CHADL: variants seen among roughly 807,000 people sequenced by gnomAD.
CHADL encodes the protein chondroadherin-like protein.
A neutral mutation model predicts 52.1 loss-of-function variants in CHADL; 48 were observed. That is an observed-to-expected ratio of 0.92 (90% CI 0.73 to 1.17). The LOEUF is 1.17. CHADL is among the 50% of genes most tolerant of loss of function. CHADL has a pLI of 0.00. For synonymous variants in CHADL, 498 were observed against 511.2 expected, an observed-to-expected ratio of 0.97 and a Z score of 0.35; for missense variants, 977 against 1,035.1, an observed-to-expected ratio of 0.94 and a Z score of 0.77.
chr22:41,237,633 A>C lies in CHADL; in HGVS notation c.1439T>G (p.Leu480Arg). 6.5e-7 allele frequency: 1 copy of C among 1,549,784 alleles called. No homozygotes were observed. The highest frequency in any genetic ancestry group is 1.2e-5 in the South Asian group (1 of 84,038). ...AGLGRLIYLYLSDNQLAGLSA... is the reference protein window; with the variant it reads ...AGLGRLIYLYRSDNQLAGLSA... Reference sequence around the variant, plus strand: ...GAGGCCTGCGAGCTGGTTGTCGGAGAGGTACAGGTAGATCAGGCGGCCCAG... The same window carrying C: ...GAGGCCTGCGAGCTGGTTGTCGGAGCGGTACAGGTAGATCAGGCGGCCCAG... The change falls in exon 3 of 6, where the codon CTC becomes CGC. Residue 480 changes from leucine to arginine, a missense_variant. Leu to Arg is a moderately radical substitution (Grantham distance 102). Coordinates refer to ENST00000216241, the MANE Select transcript of CHADL (RefSeq NM_138481.2).
Position 41,238,392 on chromosome 22 carries a change from G to T in CHADL, c.680C>A (p.Ser227Tyr). ...CAGACGGGCCAGGCCGCGGGCCTGGGACAAGACAGGCCCGGGCAGAGCCTG... is the reference window on the plus strand; with the variant it reads ...CAGACGGGCCAGGCCGCGGGCCTGGTACAAGACAGGCCCGGGCAGAGCCTG... Reference protein sequence around the residue: ...ELQALPGPVLSQARGLARLEL... With the variant: ...ELQALPGPVLYQARGLARLEL... Residue 227 changes from serine (S) to tyrosine (Y), a missense_variant, in exon 3 of 6, where the codon TCC becomes TAC. Ser to Tyr is a moderately radical substitution (Grantham distance 144, BLOSUM62 -2). Coordinates refer to ENST00000216241, the MANE Select transcript of CHADL (RefSeq NM_138481.2). This position sits in a 1 kb window ranked among gnomAD's most constrained non-coding sequence, Gnocchi z 4.9. 6.6e-7 allele frequency: 1 copy of T among 1,505,666 alleles called. No individual in the cohort carries two copies. The highest frequency in any genetic ancestry group is 8.8e-7 in the Non-Finnish European group (1 of 1,131,744). 93.3% of individuals were successfully genotyped at this position (1,505,666 alleles called of 1,614,324 possible).
chr22:41,239,578 A>G lies in CHADL; in HGVS notation c.51T>C (p.Leu17=). ...TAGCCGGGGCCAGCAGCAGAAGTAC[A>G]AGAAGCGGCAGCACCAAGGGGACAT... ...STHVPLVLPL[L]VLLLLAPARQ... Residue 17 remains leucine, a synonymous_variant, in exon 2 of 6, where the codon CTT becomes CTC. Coordinates refer to ENST00000216241, the MANE Select transcript of CHADL (RefSeq NM_138481.2). The G allele has an allele frequency of 6.5e-7, 1 of 1,547,184 alleles. No homozygotes were observed.
At chr22:41,236,358 C>T (rs2032739209) in intron 4 of CHADL, 126 bp downstream of exon 4, 3 of 820,006 alleles carry the variant, frequency 3.7e-6, no homozygotes, top group Non-Finnish European at 3.8e-6. Flanking sequence ...CTGGCTCTCA[C>T]AGGACCCGCC....
intron 5 of CHADL, among the ~76,000 whole-genome samples, chr22:41,231,650 C>G (rs139486): frequency 0.37 from 56,015 of 152,124 alleles, 10,484 homozygotes; most frequent in Middle Eastern, 0.45. Flanking sequence ...AGTTTTTGCT[C>G]AATCCATGCA....
At chr22:41,230,477 G>T (rs1289090573) in intron 5 of CHADL, 1 of 512,144 alleles carries the variant, frequency 2.0e-6, no homozygotes, top group East Asian at 3.4e-5. Flanking sequence ...GCCGCCTGAG[G>T]CCCCAGAACT....
chr22:41,234,180 C>T (rs2032690658), intron 5 of CHADL, among the ~76,000 whole-genome samples: 1 of 152,034 alleles, frequency 6.6e-6, no homozygotes, highest in Non-Finnish European at 1.5e-5. Context: ...ATGGTTGAGT[C>T]AACAGTGATC....
intron 5 of CHADL, among the ~76,000 whole-genome samples, chr22:41,233,352 C>T (rs1388842304): frequency 6.6e-6 from 1 of 151,920 alleles, no homozygotes; most frequent in Non-Finnish European, 1.5e-5. Context: ...ATCTCAGCTA[C>T]TTGGGAGGCT....
intron 5 of CHADL, among the ~76,000 whole-genome samples, chr22:41,231,574 A>G (rs1177819365): frequency 6.6e-6 from 1 of 152,240 alleles, no homozygotes; most frequent in Non-Finnish European, 1.5e-5. Context: ...TGTGCGCATG[A>G]CCACGTGTTG....
rs2032809782 is a variant in CHADL at position 41,238,959 on chromosome 22, G to C, written c.187-74C>G. ...CTTTGCAAGTGCTGCTTCTTCCCCG[G>C]AACACTCTTTTCTCCTGTCACCTTT... On this transcript the variant is annotated intron_variant, in intron 2 of 5. Coordinates refer to ENST00000216241, the MANE Select transcript of CHADL (RefSeq NM_138481.2). The surrounding 1 kb of genome is among the most constrained non-coding windows in gnomAD (Gnocchi z 4.9). 3 of 1,451,860 alleles carry C rather than the reference G, an allele frequency of 2.1e-6. No individual in the cohort carries two copies. Among genetic ancestry groups the C allele is most frequent in the Middle Eastern group, 1.8e-4 (1 of 5,582 alleles). The allele number at this position is 1,451,860 out of a possible 1,614,324, so 89.9% of individuals were successfully genotyped here. A position where few individuals can be genotyped will look rare whatever the true frequency, so the allele number is the denominator to read the frequency against.
In CHADL at chr22:41,237,563, G is replaced by A; in HGVS notation, c.1509C>T (p.Tyr503=). 2 of 1,550,514 alleles carry A rather than the reference G, an allele frequency of 1.3e-6. No individual in the cohort carries two copies. Among genetic ancestry groups the A allele is most frequent in the Non-Finnish European group, 1.7e-6 (2 of 1,146,924 alleles). ...LEGAPRLGYL[Y]LERNRFLQVP... ...CCTGCAGGAAACGGTTGCGTTCTAG[G>A]TACAGGTAGCCGAGGCGGGGAGCCC... Residue 503 remains tyrosine, a synonymous_variant, in exon 3 of 6, where the codon TAC becomes TAT. Coordinates refer to ENST00000216241, the MANE Select transcript of CHADL (RefSeq NM_138481.2).
intron 1 of CHADL, 123 bp downstream of exon 1, chr22:41,240,751 C>G: frequency 8.4e-7 from 1 of 1,195,650 alleles, no homozygotes; most frequent in Non-Finnish European, 1.2e-6. Flanking sequence ...TCCTGGAGAA[C>G]CCCAGGAAGT....
intron 5 of CHADL, among the ~76,000 whole-genome samples, chr22:41,232,168 TA>T (rs545599803): frequency 6.6e-6 from 1 of 151,502 alleles, no homozygotes; most frequent in East Asian, 2.0e-4. Context: ...CTGTCTCTAC[TA>T]AAAATACAAA....
rs1441229636 is a variant in CHADL at position 41,238,213 on chromosome 22, C to G, written c.859G>C (p.Gly287Arg). The G allele has an allele frequency of 4.6e-6, 7 of 1,524,694 alleles. No individual in the cohort carries two copies. Among genetic ancestry groups the G allele is most frequent in the Non-Finnish European group, 6.1e-6 (7 of 1,143,182 alleles). The allele number at this position is 1,524,694 out of a possible 1,614,324, so 94.4% of individuals were successfully genotyped here. A position where few individuals can be genotyped will look rare whatever the true frequency, so the allele number is the denominator to read the frequency against. ...GGGGGCAGGGTGTCTAGCTGGTTCC[C>G]GCGGAGGTCGAGGGTGTGCAGGCGC... ...CPRLHTLDLR[G>R]NQLDTLPPLQ... Residue 287 changes from glycine to arginine, a missense_variant, in exon 3 of 6, where the codon GGG becomes CGG. By Grantham distance (125) the Gly-to-Arg change is moderately radical. Coordinates refer to ENST00000216241, the MANE Select transcript of CHADL (RefSeq NM_138481.2). The surrounding 1 kb of genome is among the most constrained non-coding windows in gnomAD (Gnocchi z 4.9).
chr22:41,238,873 G>A lies in CHADL; in HGVS notation c.199C>T (p.Leu67=), dbSNP rs1470882322. The A allele has an allele frequency of 1.3e-6, 2 of 1,537,100 alleles. No individual in the cohort carries two copies. The highest frequency in any genetic ancestry group is 1.8e-6 in the Non-Finnish European group (2 of 1,136,842). Residue 67 remains leucine, a synonymous_variant, in exon 3 of 6, where the codon CTG becomes TTG. Coordinates refer to ENST00000216241, the MANE Select transcript of CHADL (RefSeq NM_138481.2). The surrounding 1 kb of genome is among the most constrained non-coding windows in gnomAD (Gnocchi z 4.9). ...PDAIPELTQR[L]DLQGNLLKVI... is the part of the protein sequence containing the mutation. ...TTCAGCAAATTGCCCTGCAGGTCCA[G>A]CCGCTGGGTCAGCTGGGGACAGCGA...
rs765222112 is a variant in CHADL, at chr22:41,239,597, G to A, written c.32C>T (p.Pro11Leu). 1.3e-6 allele frequency: 2 copies of A among 1,540,816 alleles called. No individual in the cohort carries two copies. The highest frequency in any genetic ancestry group is 2.8e-5 in the African/African-American group (2 of 72,598). The change falls in exon 2 of 6, where the codon CCC becomes CTC. Residue 11 changes from proline to leucine, a missense_variant. Coordinates refer to ENST00000216241, the MANE Select transcript of CHADL (RefSeq NM_138481.2). MEGPRSSTHV[P>L]LVLPLLVLLL... is the part of the protein sequence containing the mutation. ...AAGTACAAGAAGCGGCAGCACCAAGGGGACATGGGTGGAGCTCCGGGGCCT... is the reference window on the plus strand; with the variant it reads ...AAGTACAAGAAGCGGCAGCACCAAGAGGACATGGGTGGAGCTCCGGGGCCT...
At chr22:41,233,464 G>C (rs1309645673) in intron 5 of CHADL, among the ~76,000 whole-genome samples, 2 of 148,434 alleles carry the variant, frequency 1.3e-5, no homozygotes, top group Non-Finnish European at 3.0e-5. Flanking sequence ...CTCCATCTCA[G>C]AAAAAAAAAG....
chr22:41,233,922 AC>A (rs1430137533), intron 5 of CHADL, among the ~76,000 whole-genome samples: 1 of 152,164 alleles, frequency 6.6e-6, no homozygotes, highest in African/African-American at 2.4e-5. Flanking sequence ...CCGTGGCCTT[AC>A]AGGCAGTGGT....
intron 5 of CHADL, among the ~76,000 whole-genome samples, chr22:41,232,136 T>C (rs139488): frequency 2.0e-5 from 3 of 151,590 alleles, no homozygotes; most frequent in South Asian, 2.1e-4. Flanking sequence ...ATCGAGACCA[T>C]CCTGGCTAAC....
intron 3 of CHADL, 101 bp downstream of exon 3, chr22:41,237,075 C>T: frequency 7.9e-7 from 1 of 1,273,164 alleles, no homozygotes; most frequent in Non-Finnish European, 1.1e-6. Context: ...CAGGCTGAGA[C>T]CTGGCACCAA....
Sources: gnomAD v4.1 joint callset for allele counts (sites outside exome capture counted in the v4.1 genomes callset) on GRCh38, gnomAD v4.1.1 for gene constraint, Gnocchi (gnomAD v3.1) non-coding constraint, MANE v1.5 for transcripts, NCBI Gene and HGNC (gene_info 2026-07-23, HGNC 2026-07-21) for gene names.